SLCO1A2: variants seen among roughly 807,000 people sequenced by gnomAD.
The protein encoded by SLCO1A2 is OATP-1.
SLCO1A2 carries 67 observed loss-of-function variants against 69.0 expected under a neutral mutation model. The ratio of observed to expected loss-of-function variants is 0.97; its 90% CI spans 0.80 to 1.19. SLCO1A2 has a LOEUF of 1.19. Ranked by LOEUF, SLCO1A2 falls within the 50% of genes most tolerant of loss-of-function variation. The pLI is 0.00. For missense variants in SLCO1A2, 787 were observed against 793.7 expected (o/e 0.99, Z 0.10); for synonymous variants, 260 against 265.9 (o/e 0.98, Z 0.22).
chr12:21,409,652 G>T (rs764436777), intron 1 of SLCO1A2, among the ~76,000 whole-genome samples: 1 of 152,094 alleles, frequency 6.6e-6, no homozygotes, highest in South Asian at 2.1e-4. Flanking sequence ...GGGACCTATG[G>T]CTAAATGGAT....
At chr12:21,320,128 C>T (rs988669382) in intron 2 of SLCO1A2, among the ~76,000 whole-genome samples, 6 of 152,096 alleles carry the variant, frequency 3.9e-5, no homozygotes, top group African/African-American at 7.2e-5. Flanking sequence ...TACTATTTAC[C>T]TAGCACACTC....
rs528812972 is a variant in SLCO1A2 at position 21,355,153 on chromosome 12, GT to G, written c.-63+19245del. The G allele has an allele frequency of 8.6e-5, 13 of 151,988 alleles. No individual in the cohort carries two copies. The East Asian group carries it at 2.5e-3, about 29-fold the overall frequency. 9.4% of individuals were successfully genotyped at this position (151,988 alleles called of 1,614,324 possible). ...GTATATTATTTTATTATAATTTCCC[GT>G]GTTGGCAATTTTAAGAAGACCAGAG... On this transcript the variant is annotated intron_variant, in intron 2 of 15. Coordinates refer to the SLCO1A2 transcript ENST00000307378.
At chr12:21,352,559 G>A (rs1938046611) in intron 2 of SLCO1A2, among the ~76,000 whole-genome samples, 1 of 152,058 alleles carries the variant, frequency 6.6e-6, no homozygotes, top group Non-Finnish European at 1.5e-5. Flanking sequence ...AGTCCGTCAA[G>A]GCTGCCTACA....
chr12:21,276,721 A>G (rs11045929), intron 12 of SLCO1A2, among the ~76,000 whole-genome samples: 14,462 of 152,136 alleles, frequency 0.095, 1,124 homozygotes, highest in East Asian at 0.35. Context: ...TGGAGAAGGA[A>G]TCTGAGCACT....
At chr12:21,355,604 G>C (rs1938305637) in intron 2 of SLCO1A2, among the ~76,000 whole-genome samples, 1 of 152,162 alleles carries the variant, frequency 6.6e-6, no homozygotes, top group Admixed American at 6.6e-5. Flanking sequence ...AGTGATCCTA[G>C]ATGTTAGGGA....
intron 6 of SLCO1A2, among the ~76,000 whole-genome samples, chr12:21,303,208 C>T (rs1948938569): frequency 1.3e-5 from 2 of 152,190 alleles, no homozygotes; most frequent in South Asian, 2.1e-4. Context: ...GTATGGACCA[C>T]ATCATCCTCA....
chr12:21,295,303 T>C, intron 10 of SLCO1A2: 1 of 247,808 alleles, frequency 4.0e-6, no homozygotes, highest in South Asian at 6.9e-5. Flanking sequence ...CTGTAGGTAG[T>C]TTCTTTCATA....
At chr12:21,304,709 CAG>C (rs1404011520) in intron 5 of SLCO1A2, 136 bp from the exon 6 acceptor site, 9 of 829,118 alleles carry the variant, frequency 1.1e-5, no homozygotes, top group Non-Finnish European at 1.5e-5. Context: ...ACTATTCCAG[CAG>C]TGACTTCTCA....
At position 21,319,025 on chromosome 12, in the gene SLCO1A2, A is replaced by G. The variant is rs148935326; in HGVS notation, c.61-102T>C. ...TCCACCATAAGACTGATTGTCTCCA[A>G]CTTAAGTAACCTTTGAATTTGCAAG... On this transcript the variant is annotated intron_variant, in intron 2 of 14. Coordinates refer to ENST00000683939, the MANE Select transcript of SLCO1A2 (RefSeq NM_001386879.1). 3.1e-4 allele frequency: 261 copies of G among 848,974 alleles called. 2 individuals are homozygous for G. In the East Asian group the frequency reaches 7.0e-3, roughly 23 times the overall value. 52.6% of individuals were successfully genotyped at this position (848,974 alleles called of 1,614,324 possible).
At position 21,388,435 on chromosome 12, in the gene SLCO1A2, G is replaced by A. The variant is rs1940995134; in HGVS notation, c.-190+6471C>T. Among the ~76,000 whole-genome samples, 3 of 152,092 alleles carry A rather than the reference G, an allele frequency of 2.0e-5. No individual in the cohort carries two copies. In the South Asian group the frequency reaches 6.2e-4, roughly 32 times the overall value. ...TTTTTCCCATGCCGTTCTTGTGATA[G>A]TGACATTTCACAAGATCTGATGATT... On this transcript the variant is annotated intron_variant, in intron 1 of 15. Transcript: ENST00000307378.
At position 21,269,073 on chromosome 12, in the gene SLCO1A2, TAAG is replaced by T. The variant is rs62925760; in HGVS notation, c.*472_*474del. ...GTTAAAGAACGATTCCTAAATAGAA[TAAG>T]AAGATGTAGGCTTCTCTCACATGGA... On this transcript the variant is annotated 3_prime_UTR_variant, in exon 15 of 15. Coordinates refer to ENST00000683939, the MANE Select transcript of SLCO1A2 (RefSeq NM_001386879.1). The T allele has an allele frequency of 4.9e-3, 746 of 152,966 alleles. 6 individuals are homozygous for T. The highest frequency in any genetic ancestry group is 0.017 in the Middle Eastern group (5 of 294). 9.5% of individuals were successfully genotyped at this position (152,966 alleles called of 1,614,324 possible).
rs898465417 is a variant in SLCO1A2, at chr12:21,329,252, C to G, written c.60+5336G>C. Among the ~76,000 whole-genome samples the G allele has an allele frequency of 7.9e-5, 12 of 152,240 alleles. No homozygotes were observed. In the East Asian group the frequency reaches 1.5e-3, roughly 20 times the overall value. ...TGGAACAATTACTTTGCATTATACC[C>G]TCTGGTTTTAATAGTTACTTGGTTT... On this transcript the variant is annotated intron_variant, in intron 2 of 14. Coordinates refer to ENST00000683939, the MANE Select transcript of SLCO1A2 (RefSeq NM_001386879.1).
chr12:21,368,332 AATTCT>A (rs1399195576), intron 2 of SLCO1A2, among the ~76,000 whole-genome samples: 1 of 152,174 alleles, frequency 6.6e-6, no homozygotes, highest in Non-Finnish European at 1.5e-5. Flanking sequence ...GGATGTGGGA[AATTCT>A]ACACAACAAA....
intron 3 of SLCO1A2, among the ~76,000 whole-genome samples, chr12:21,316,878 G>A (rs1483397112): frequency 6.6e-6 from 1 of 152,092 alleles, no homozygotes; most frequent in East Asian, 1.9e-4. Flanking sequence ...GTCACCAATT[G>A]TCACCAATAG....
intron 1 of SLCO1A2, among the ~76,000 whole-genome samples, chr12:21,402,319 T>C (rs897125011): frequency 2.0e-5 from 3 of 151,892 alleles, no homozygotes; most frequent in Non-Finnish European, 1.5e-5. Flanking sequence ...CTTCTGCAAA[T>C]TGAAAAGAAA....
rs774299312 is a variant in SLCO1A2, at chr12:21,275,389, C to T, written c.1646G>A (p.Gly549Glu). 1.3e-6 allele frequency: 2 copies of T among 1,551,902 alleles called. No individual in the cohort carries two copies. The highest frequency in any genetic ancestry group is 2.3e-5 in the East Asian group (1 of 43,954). Residue 549 changes from glycine to glutamate, a missense_variant, in exon 13 of 15, where the codon GGA (glycine) becomes GAA (glutamate). Gly to Glu is a moderately conservative substitution (Grantham distance 98). Transcript: ENST00000683939. ...MKSEEKSLGV[G>E]LHTFCTRVFA... ...TACTCTTGTGCAAAATGTATGTAATCCCACACCAAGGGACTTCTCTTCAGA... is the reference window on the plus strand; with the variant it reads ...TACTCTTGTGCAAAATGTATGTAATTCCACACCAAGGGACTTCTCTTCAGA...
intron 2 of SLCO1A2, among the ~76,000 whole-genome samples, chr12:21,341,734 A>G (rs7954757): frequency 0.15 from 22,215 of 152,012 alleles, 1,970 homozygotes; most frequent in African/African-American, 0.25. Context: ...GTTCAAGGTC[A>G]GGATAGTATC....
chr12:21,416,424 C>T (rs1305453339), intron 1 of SLCO1A2, among the ~76,000 whole-genome samples: 4 of 151,852 alleles, frequency 2.6e-5, no homozygotes, highest in African/African-American at 4.8e-5. Flanking sequence ...AATAACTCCA[C>T]AGATCAAGTT....
At chr12:21,304,946 T>C (rs1949173332) in intron 5 of SLCO1A2, among the ~76,000 whole-genome samples, 1 of 152,200 alleles carries the variant, frequency 6.6e-6, no homozygotes, top group Non-Finnish European at 1.5e-5. Context: ...CCTGGACTCA[T>C]TCAGCTGCTA....
Sources: allele counts gnomAD v4.1 joint callset (sites outside exome capture counted in the v4.1 genomes callset), GRCh38; gene constraint gnomAD v4.1.1; transcripts MANE v1.5; gene names NCBI Gene and HGNC (gene_info 2026-07-23, HGNC 2026-07-21).